The following GALNT18 variants were observed in gnomAD, a reference collection of about 807,000 sequenced individuals.
GALNT18 encodes GalNAc-transferase 18.
In GALNT18, 44 loss-of-function variants were observed where a neutral mutation model predicts 69.5. That is an observed-to-expected ratio of 0.63 (90% CI 0.50 to 0.81). The LOEUF is 0.81. GALNT18 is among the 40% of genes least tolerant of loss of function. The pLI is 0.00. For missense variants in GALNT18, 715 were observed against 810.0 expected (o/e 0.88, Z 1.42); for synonymous variants, 364 against 318.2 (o/e 1.14, Z -1.53).
intron 6 of GALNT18, among the ~76,000 whole-genome samples, chr11:11,349,996 G>A (rs1369879511): frequency 1.3e-5 from 2 of 152,206 alleles, no homozygotes; most frequent in Non-Finnish European, 2.9e-5. Context: ...ATTTGGGTTA[G>A]CCCTAACAAA....
At chr11:11,412,858 G>C (rs374144228) in intron 3 of GALNT18, among the ~76,000 whole-genome samples, 8 of 152,252 alleles carry the variant, frequency 5.3e-5, no homozygotes, top group Admixed American at 3.9e-4. Context: ...ACAGAAGGCT[G>C]CTCTGCCCCA....
chr11:11,392,453 C>G (rs953473484), intron 3 of GALNT18, among the ~76,000 whole-genome samples: 3 of 152,144 alleles, frequency 2.0e-5, no homozygotes, highest in African/African-American at 7.2e-5. Flanking sequence ...AACCCTGTCT[C>G]TACTAAAAAT....
At chr11:11,447,039 G>A (rs1436792803) in intron 2 of GALNT18, among the ~76,000 whole-genome samples, 2 of 152,090 alleles carry the variant, frequency 1.3e-5, no homozygotes, top group East Asian at 1.9e-4. Context: ...TGAGAACCAC[G>A]GCCCTAATGA....
chr11:11,510,874 C>T (rs1473730116), intron 1 of GALNT18, among the ~76,000 whole-genome samples: 1 of 152,194 alleles, frequency 6.6e-6, no homozygotes, highest in Admixed American at 6.5e-5. Flanking sequence ...CCTATATATG[C>T]ATTCGCTGAG....
At chr11:11,290,311 ACT>A (rs1313623864) in intron 10 of GALNT18, among the ~76,000 whole-genome samples, 1 of 152,138 alleles carries the variant, frequency 6.6e-6, no homozygotes, top group Non-Finnish European at 1.5e-5. Context: ...TCTCCTGCTA[ACT>A]CTTCATCCTG....
At chr11:11,281,214 A>G (rs1205513736) in intron 10 of GALNT18, among the ~76,000 whole-genome samples, 3 of 152,036 alleles carry the variant, frequency 2.0e-5, no homozygotes, top group African/African-American at 4.8e-5. Flanking sequence ...AAGAGTGCTG[A>G]GCTAGGATGC....
intron 1 of GALNT18, among the ~76,000 whole-genome samples, chr11:11,594,436 A>G (rs552126704): frequency 6.6e-6 from 1 of 152,224 alleles, no homozygotes; most frequent in South Asian, 2.1e-4. Context: ...ATCACTCCCA[A>G]AAGAAACCCT....
chr11:11,423,945 C>T (rs990417443), intron 3 of GALNT18, among the ~76,000 whole-genome samples: 13 of 152,160 alleles, frequency 8.5e-5, no homozygotes, highest in African/African-American at 2.2e-4. Context: ...GAGCTGGGGG[C>T]GCCTGGTCAG....
Position 11,465,003 on chromosome 11 carries a change from G to A in GALNT18, c.236-16067C>T, listed in dbSNP as rs1426331652. On this transcript the variant is annotated intron_variant, in intron 1 of 10. Transcript: ENST00000227756. The surrounding 1 kb of genome is among the most constrained non-coding windows in gnomAD (Gnocchi z 5.7). ...CTGGGGATGGAATTACGAGCAGTGG[G>A]GAGTTGTTGGGGTGGCTGCTTATTA... Among the ~76,000 whole-genome samples, 2 of 152,124 alleles carry A rather than the reference G, an allele frequency of 1.3e-5. No individual in the cohort carries two copies. Among genetic ancestry groups the A allele is most frequent in the African/African-American group, 4.8e-5 (2 of 41,402 alleles).
chr11:11,415,299 G>A lies in GALNT18; in HGVS notation c.595+17322C>T, dbSNP rs59997644. Among the ~76,000 whole-genome samples, 2,441 of 152,220 alleles carry A rather than the reference G, an allele frequency of 0.016. 56 individuals are homozygous for A. Among genetic ancestry groups the A allele is most frequent in the African/African-American group, 0.056 (2,332 of 41,522 alleles). On this transcript the variant is annotated intron_variant, in intron 3 of 10. Coordinates refer to ENST00000227756, the MANE Select transcript of GALNT18 (RefSeq NM_198516.3). This position sits in a 1 kb window ranked among gnomAD's most constrained non-coding sequence, Gnocchi z 4.1. ...TTAGTATTTGCTTGAATAACTCGGC[G>A]AAGTGAATATACACCACTTCCCAGG...
At position 11,594,233 on chromosome 11, in the gene GALNT18, A is replaced by G. The variant is rs144514922; in HGVS notation, c.235+27126T>C. ...CTTAAATGCAGAAATGCTTTCCTCC[A>G]TCCACTAAAGTTGGAAAAGCTCTAG... On this transcript the variant is annotated intron_variant, in intron 1 of 10. Coordinates refer to ENST00000227756, the MANE Select transcript of GALNT18 (RefSeq NM_198516.3). 1.3e-4 allele frequency among the ~76,000 whole-genome samples: 20 copies of G among 152,346 alleles called. No individual in the cohort carries two copies. In the East Asian group the frequency reaches 1.7e-3, roughly 13 times the overall value.
intron 1 of GALNT18, among the ~76,000 whole-genome samples, chr11:11,498,935 T>C (rs1189654842): frequency 6.6e-6 from 1 of 152,238 alleles, no homozygotes; most frequent in Non-Finnish European, 1.5e-5. Context: ...GTTATATTCT[T>C]AACACTTTCC....
At chr11:11,565,016 T>A (rs1019432030) in intron 1 of GALNT18, among the ~76,000 whole-genome samples, 1 of 152,068 alleles carries the variant, frequency 6.6e-6, no homozygotes, top group Non-Finnish European at 1.5e-5. Flanking sequence ...AAACTCGGGG[T>A]GCCAGGGATA....
intron 1 of GALNT18, among the ~76,000 whole-genome samples, chr11:11,559,733 T>C (rs1015190837): frequency 2.1e-5 from 3 of 145,388 alleles, no homozygotes; most frequent in Non-Finnish European, 1.5e-5. Flanking sequence ...TGGAATGGAA[T>C]GGGGTATGAT....
intron 1 of GALNT18, among the ~76,000 whole-genome samples, chr11:11,609,687 T>C (rs10765874): frequency 0.89 from 135,002 of 152,216 alleles, 59,986 homozygotes; most frequent in African/African-American, 0.91. Context: ...CCCAACTCCT[T>C]ATGGTGGTTT....
chr11:11,275,095 T>C lies in GALNT18; in HGVS notation c.1678-3805A>G, dbSNP rs569911726. On this transcript the variant is annotated intron_variant, in intron 10 of 10. Coordinates refer to ENST00000227756, the MANE Select transcript of GALNT18 (RefSeq NM_198516.3). ...CCGCTAGGTCAAATAGTATTTCTAG[T>C]TCTAGATCCTTGAGAAATGGCCACA... is the stretch of plus-strand genomic sequence containing the variant. Among the ~76,000 whole-genome samples the C allele has an allele frequency of 2.6e-5, 4 of 152,366 alleles. No individual in the cohort carries two copies. The East Asian group carries it at 5.8e-4, about 22-fold the overall frequency.
In GALNT18 at chr11:11,501,754, A is replaced by T. The variant is rs944486796; in HGVS notation, c.236-52818T>A. 4.3e-4 allele frequency among the ~76,000 whole-genome samples: 65 copies of T among 152,264 alleles called. 1 individual carries two copies. Among genetic ancestry groups the T allele is most frequent in the South Asian group, 8.3e-4 (4 of 4,824 alleles). On this transcript the variant is annotated intron_variant, in intron 1 of 10. Transcript: ENST00000227756. ...CCATCATAATTTTCAAATTCCTGGG[A>T]GGTAGAAGGAATGAGGCTTGGCTTT...
chr11:11,526,185 G>C (rs1857520949), intron 1 of GALNT18, among the ~76,000 whole-genome samples: 1 of 152,192 alleles, frequency 6.6e-6, no homozygotes, highest in South Asian at 2.1e-4. Flanking sequence ...GATGTCATCA[G>C]GGAAGACCAG....
At chr11:11,273,540 T>C (rs1372781314) in intron 10 of GALNT18, among the ~76,000 whole-genome samples, 1 of 152,168 alleles carries the variant, frequency 6.6e-6, no homozygotes, top group East Asian at 1.9e-4. Flanking sequence ...AGACAGGCAA[T>C]AATAAATGCT....
Sources: allele counts gnomAD v4.1 joint callset (sites outside exome capture counted in the v4.1 genomes callset), GRCh38; gene constraint gnomAD v4.1.1; non-coding constraint Gnocchi (gnomAD v3.1); transcripts MANE v1.5; gene names NCBI Gene and HGNC (gene_info 2026-07-23, HGNC 2026-07-21).